Variants in CELF4 observed in about 807,000 individuals in gnomAD.
The protein encoded by CELF4 is CUGBP Elav-like family member 4.
A neutral mutation model predicts 59.9 loss-of-function variants in CELF4; 18 were observed. The ratio of observed to expected loss-of-function variants is 0.30; its 90% CI spans 0.21 to 0.45. CELF4 has a LOEUF of 0.45. Among genes scored for constraint, CELF4 ranks in the 20% least tolerant of loss-of-function variants. CELF4 has a pLI of 1.00. For synonymous variants in CELF4, 261 were observed against 267.1 expected (o/e 0.98, Z 0.22); for missense variants, 456 against 689.0 (o/e 0.66, Z 3.79).
At chr18:37,286,492 C>T (rs2094788713) in intron 3 of CELF4, among the ~76,000 whole-genome samples, 2 of 152,162 alleles carry the variant, frequency 1.3e-5, no homozygotes, top group African/African-American at 4.8e-5. Flanking sequence ...TCCTCGGTGC[C>T]TCCCGCCATC....
At chr18:37,289,550 C>A (rs901349019) in intron 3 of CELF4, among the ~76,000 whole-genome samples, 8 of 152,088 alleles carry the variant, frequency 5.3e-5, no homozygotes, top group African/African-American at 1.9e-4. Flanking sequence ...AGCTCGTCCC[C>A]CCACCTCCCT....
intron 2 of CELF4, among the ~76,000 whole-genome samples, chr18:37,340,670 A>G (rs2097976921): frequency 6.6e-6 from 1 of 152,190 alleles, no homozygotes; most frequent in Non-Finnish European, 1.5e-5. Flanking sequence ...GAGATCCCTG[A>G]GCAGAGGTGT....
At chr18:37,559,707 C>T (rs1247842737) in intron 1 of CELF4, among the ~76,000 whole-genome samples, 1 of 152,062 alleles carries the variant, frequency 6.6e-6, no homozygotes, top group Non-Finnish European at 1.5e-5. Flanking sequence ...TTTTCTCAAG[C>T]AAAAAGGTGG....
intron 2 of CELF4, among the ~76,000 whole-genome samples, chr18:37,459,494 AT>A (rs1481496882): frequency 2.0e-5 from 3 of 152,004 alleles, no homozygotes; most frequent in African/African-American, 4.8e-5. Context: ...GAGTCCTCAC[AT>A]TTTCATAACC....
At chr18:37,269,916 A>G (rs900574558) in intron 8 of CELF4, among the ~76,000 whole-genome samples, 10 of 152,122 alleles carry the variant, frequency 6.6e-5, no homozygotes, top group African/African-American at 2.2e-4. Context: ...TCACAGCACA[A>G]ACTGAGTACT....
intron 1 of CELF4, among the ~76,000 whole-genome samples, chr18:37,544,990 T>C (rs2099980435): frequency 1.3e-5 from 2 of 152,174 alleles, no homozygotes; most frequent in African/African-American, 2.4e-5. Flanking sequence ...TGCAGATTCC[T>C]TTGCCTCATC....
intron 3 of CELF4, among the ~76,000 whole-genome samples, chr18:37,283,324 A>G (rs1290255520): frequency 2.0e-5 from 3 of 151,788 alleles, no homozygotes; most frequent in African/African-American, 7.3e-5. Flanking sequence ...GGGCATTAAA[A>G]TCCAGGGCAG....
At chr18:37,341,644 T>G (rs1328556920) in intron 2 of CELF4, among the ~76,000 whole-genome samples, 2 of 152,146 alleles carry the variant, frequency 1.3e-5, no homozygotes, top group Non-Finnish European at 2.9e-5. Flanking sequence ...CCCATGACTG[T>G]GCTCTATCCA....
Position 37,352,099 on chromosome 18 carries a change from T to A in CELF4, c.370-30218A>T, listed in dbSNP as rs536361163. On this transcript the variant is annotated intron_variant, in intron 2 of 12. Coordinates refer to ENST00000420428, the MANE Select transcript of CELF4 (RefSeq NM_020180.4). ...TGCATGCAATGTGGTGCTGCCAACA[T>A]CCTCCTCCCTTCCATCTTAAACATC... 1.2e-4 allele frequency among the ~76,000 whole-genome samples: 18 copies of A among 152,332 alleles called. 1 individual carries two copies. The South Asian group carries it at 2.3e-3, about 19-fold the overall frequency.
intron 1 of CELF4, among the ~76,000 whole-genome samples, chr18:37,541,836 G>T (rs2099978059): frequency 6.6e-6 from 1 of 152,010 alleles, no homozygotes; most frequent in Non-Finnish European, 1.5e-5. Flanking sequence ...GTTCCTCAGA[G>T]GAGCCCTCCC....
At chr18:37,370,557 T>G (rs966935956) in intron 2 of CELF4, among the ~76,000 whole-genome samples, 2 of 152,210 alleles carry the variant, frequency 1.3e-5, no homozygotes, top group African/African-American at 4.8e-5. Flanking sequence ...CTGCCTATGA[T>G]GATCTAACCC....
At chr18:37,354,433 G>A (rs1467729547) in intron 2 of CELF4, among the ~76,000 whole-genome samples, 1 of 152,202 alleles carries the variant, frequency 6.6e-6, no homozygotes, top group Admixed American at 6.5e-5. Context: ...CCAATCTGGG[G>A]TGCCTGGGAG....
Position 37,479,841 on chromosome 18 carries a change from C to T in CELF4, c.369+5684G>A, listed in dbSNP as rs139888712. 9.3e-3 allele frequency among the ~76,000 whole-genome samples: 1,413 copies of T among 152,230 alleles called. 17 individuals carry two copies. The highest frequency in any genetic ancestry group is 0.024 in the Middle Eastern group (7 of 294). On this transcript the variant is annotated intron_variant, in intron 2 of 12. Transcript: ENST00000420428. ...GTCTTTGCAGATGATCAAGTTAAGA[C>T]GAGGTCATTAGGGCAGGCCCTAACG...
intron 1 of CELF4, among the ~76,000 whole-genome samples, chr18:37,523,694 A>T (rs1438550453): frequency 1.3e-5 from 2 of 152,190 alleles, no homozygotes; most frequent in Admixed American, 1.3e-4. Context: ...GAGGAGCCCC[A>T]CTTACGGAGA....
At position 37,243,593 on chromosome 18, in the gene CELF4, T is replaced by A. The variant is rs2061002595; in HGVS notation, c.*1649A>T. 6.6e-6 allele frequency: 1 copy of A among 152,224 alleles called. No homozygotes were observed. The highest frequency in any genetic ancestry group is 2.4e-5 in the African/African-American group (1 of 41,454). The allele number at this position is 152,224 out of a possible 1,614,324, so 9.4% of individuals were successfully genotyped here. A position where few individuals can be genotyped will look rare whatever the true frequency, so the allele number is the denominator to read the frequency against. ...GCTTTCATTAAATAGTTTTCCTTGT[T>A]TTTTTCTCTATCATTACAATTAAAA... is the stretch of plus-strand genomic sequence containing the variant. On this transcript the variant is annotated 3_prime_UTR_variant, in exon 13 of 13. Transcript: ENST00000420428.
chr18:37,517,930 T>A (rs1248072821), intron 1 of CELF4, among the ~76,000 whole-genome samples: 1 of 152,152 alleles, frequency 6.6e-6, no homozygotes, highest in Admixed American at 6.5e-5. Flanking sequence ...GTGAGGCAGT[T>A]GCATGGTAGG....
intron 1 of CELF4, among the ~76,000 whole-genome samples, chr18:37,557,860 G>A (rs901779501): frequency 6.6e-6 from 1 of 151,996 alleles, no homozygotes; most frequent in African/African-American, 2.4e-5. Flanking sequence ...GCTGAGCTGC[G>A]GGGAATCACC....
At chr18:37,348,267 G>A (rs571007704) in intron 2 of CELF4, among the ~76,000 whole-genome samples, 1 of 152,284 alleles carries the variant, frequency 6.6e-6, no homozygotes, top group Non-Finnish European at 1.5e-5. Flanking sequence ...CACGTGGTGA[G>A]GTGAGGCTCA....
chr18:37,369,575 C>T (rs1297198675), intron 2 of CELF4, among the ~76,000 whole-genome samples: 1 of 152,190 alleles, frequency 6.6e-6, no homozygotes, highest in Non-Finnish European at 1.5e-5. Context: ...TCTGGGATTG[C>T]TCCTTCCTCT....
Sources: allele counts gnomAD v4.1 joint callset (sites outside exome capture counted in the v4.1 genomes callset), GRCh38; gene constraint gnomAD v4.1.1; transcripts MANE v1.5; gene names NCBI Gene and HGNC (gene_info 2026-07-23, HGNC 2026-07-21).